The following CA10 variants were observed in gnomAD, a reference collection of about 807,000 sequenced individuals.
CA10 encodes carbonic anhydrase 10 (inactive).
In CA10, 14 loss-of-function variants were observed where a neutral mutation model predicts 44.2. The ratio of observed to expected loss-of-function variants is 0.32; its 90% confidence interval spans 0.21 to 0.50. CA10 has a LOEUF of 0.50. Ranked by LOEUF, CA10 falls within the 20% of genes least tolerant of loss-of-function variation. The probability of loss-of-function intolerance (pLI) is 0.99; values close to 1 mark genes in which losing one functional copy is unlikely to be tolerated. For missense variants in CA10, 350 were observed against 409.7 expected, an observed-to-expected ratio of 0.85 and a Z score of 1.26; for synonymous variants, 159 against 141.6, an observed-to-expected ratio of 1.12 and a Z score of -0.87.
intron 3 of CA10, among the ~76,000 whole-genome samples, chr17:51,877,863 G>A (rs1043339551): frequency 3.3e-5 from 5 of 151,868 alleles, no homozygotes; most frequent in African/African-American, 7.3e-5. Flanking sequence ...AGTGATTCTC[G>A]GCTGGGTGTG....
intron 4 of CA10, among the ~76,000 whole-genome samples, chr17:51,719,027 A>T (rs1916270040): frequency 6.6e-6 from 1 of 152,084 alleles, no homozygotes; most frequent in Non-Finnish European, 1.5e-5. Flanking sequence ...CTCTGACCTC[A>T]CTCCAGCTCT....
At chr17:51,905,368 C>G (rs901420859) in intron 3 of CA10, among the ~76,000 whole-genome samples, 3 of 152,016 alleles carry the variant, frequency 2.0e-5, no homozygotes, top group Admixed American at 2.0e-4. Context: ...GTATGACACA[C>G]AGAGTAAGCT....
intron 4 of CA10, among the ~76,000 whole-genome samples, chr17:51,711,957 G>C (rs1355030188): frequency 1.3e-5 from 2 of 152,192 alleles, no homozygotes; most frequent in Non-Finnish European, 2.9e-5. Flanking sequence ...AGGGGCAGCG[G>C]CTACCGATGG....
chr17:51,785,156 A>AT (rs1225281675), intron 3 of CA10, among the ~76,000 whole-genome samples: 1 of 152,130 alleles, frequency 6.6e-6, no homozygotes, highest in Non-Finnish European at 1.5e-5. Flanking sequence ...TATGTACCAC[A>AT]TTTTTTATCC....
At chr17:51,832,274 T>C (rs1410113882) in intron 3 of CA10, among the ~76,000 whole-genome samples, 2 of 152,168 alleles carry the variant, frequency 1.3e-5, no homozygotes, top group East Asian at 1.9e-4. Context: ...ATAACTATTT[T>C]AGAAGGAGGA....
intron 4 of CA10, among the ~76,000 whole-genome samples, chr17:51,685,667 A>G (rs576297782): frequency 1.3e-5 from 2 of 152,206 alleles, no homozygotes; most frequent in Non-Finnish European, 2.9e-5. Context: ...AACAATCAGA[A>G]GGAGGAACAG....
intron 2 of CA10, among the ~76,000 whole-genome samples, chr17:51,985,885 A>G (rs203060): frequency 0.99 from 150,141 of 152,172 alleles, 74,097 homozygotes; most frequent in East Asian, 1. Flanking sequence ...CATATCCCAT[A>G]CTCACGGGTG....
At chr17:51,999,398 C>A (rs1328521223) in intron 2 of CA10, among the ~76,000 whole-genome samples, 1 of 151,952 alleles carries the variant, frequency 6.6e-6, no homozygotes, top group Non-Finnish European at 1.5e-5. Flanking sequence ...TGCTGCAGTT[C>A]CGAGTTAGTG....
intron 1 of CA10, among the ~76,000 whole-genome samples, chr17:52,093,032 G>A (rs1302601582): frequency 4.6e-5 from 7 of 151,964 alleles, no homozygotes; most frequent in East Asian, 3.9e-4. Context: ...TCATGTTGAC[G>A]AGAAAAAAAA....
At chr17:51,679,410 C>A (rs1914752551) in intron 4 of CA10, among the ~76,000 whole-genome samples, 1 of 151,646 alleles carries the variant, frequency 6.6e-6, no homozygotes, top group Non-Finnish European at 1.5e-5. Context: ...CAAGTGCCCA[C>A]CACCACGCCC....
intron 1 of CA10, among the ~76,000 whole-genome samples, 190 bp downstream of exon 1, chr17:52,157,536 C>T (rs921901371): frequency 1.4e-5 from 2 of 147,516 alleles, no homozygotes; most frequent in East Asian, 2.0e-4. Context: ...ACCACCCCCC[C>T]CCGCAAAACA....
At chr17:51,697,410 G>T (rs1812870914) in intron 4 of CA10, among the ~76,000 whole-genome samples, 1 of 152,104 alleles carries the variant, frequency 6.6e-6, no homozygotes, top group South Asian at 2.1e-4. Flanking sequence ...TCTTCCCTTT[G>T]CTCAAACATT....
Position 51,649,270 on chromosome 17 carries a change from A to C in CA10, c.562-16T>G, listed in dbSNP as rs748069234. 5 of 1,577,566 alleles carry C rather than the reference A, an allele frequency of 3.2e-6. No homozygotes were observed. Among genetic ancestry groups the C allele is most frequent in the Non-Finnish European group, 4.4e-6 (5 of 1,146,764 alleles). On this transcript the variant is annotated splice_polypyrimidine_tract_variant and intron_variant, in intron 5 of 8. Transcript: ENST00000451037. ...AATCAGAAACCTGGAGGAGAAAAGAAAATATTAATGACTGGGCATCACTCT... is the reference window on the plus strand; with the variant it reads ...AATCAGAAACCTGGAGGAGAAAAGACAATATTAATGACTGGGCATCACTCT...
At chr17:52,099,824 TGAA>T (rs1988494728) in intron 1 of CA10, among the ~76,000 whole-genome samples, 1 of 152,328 alleles carries the variant, frequency 6.6e-6, no homozygotes, top group Admixed American at 6.5e-5. Context: ...TGGAGTCTTG[TGAA>T]CTCAAAGAAG....
At chr17:52,140,628 T>C (rs1383026015) in intron 1 of CA10, among the ~76,000 whole-genome samples, 1 of 152,206 alleles carries the variant, frequency 6.6e-6, no homozygotes, top group Non-Finnish European at 1.5e-5. Flanking sequence ...GGCCACTGTT[T>C]GTCAGCCCCT....
At chr17:51,859,253 A>G (rs1979194818) in intron 3 of CA10, among the ~76,000 whole-genome samples, 1 of 152,094 alleles carries the variant, frequency 6.6e-6, no homozygotes, top group African/African-American at 2.4e-5. Context: ...AGAGTACTGA[A>G]AGTGAACAAT....
At chr17:51,755,232 C>A (rs1165200247) in intron 3 of CA10, among the ~76,000 whole-genome samples, 3 of 152,054 alleles carry the variant, frequency 2.0e-5, no homozygotes, top group Non-Finnish European at 4.4e-5. Context: ...ATGTAAATCC[C>A]CTATTGTTTT....
chr17:52,134,764 C>G (rs1269076341), intron 1 of CA10: 1 of 456,500 alleles, frequency 2.2e-6, no homozygotes, highest in African/African-American at 2.0e-5. Flanking sequence ...TGACTCAAAG[C>G]AGAGCTCAGG....
chr17:52,141,504 G>GT (rs1267511652), intron 1 of CA10, among the ~76,000 whole-genome samples: 3 of 152,136 alleles, frequency 2.0e-5, no homozygotes, highest in Non-Finnish European at 4.4e-5. Context: ...TCTCAGAAAT[G>GT]TTTTTTTGTA....
Sources: allele counts gnomAD v4.1 joint callset (sites outside exome capture counted in the v4.1 genomes callset), GRCh38; gene constraint gnomAD v4.1.1; transcripts MANE v1.5; gene names NCBI Gene and HGNC (gene_info 2026-07-23, HGNC 2026-07-21).